CFAP299: variants seen among roughly 807,000 people sequenced by gnomAD.
The protein encoded by CFAP299 is cilia- and flagella-associated protein 299.
A neutral mutation model predicts 27.0 loss-of-function variants in CFAP299; 21 were observed. The observed-to-expected ratio is 0.78, with a 90% CI of 0.55 to 1.12. CFAP299 has a LOEUF of 1.12. Ranked by LOEUF, CFAP299 falls within the 50% of genes most tolerant of loss-of-function variation. The pLI is 0.00. For synonymous variants in CFAP299, 104 were observed against 98.1 expected (o/e 1.06, Z -0.36); for missense variants, 310 against 276.6 (o/e 1.12, Z -0.86).
At chr4:80,809,845 G>A (rs1729052712) in intron 3 of CFAP299, among the ~76,000 whole-genome samples, 1 of 151,952 alleles carries the variant, frequency 6.6e-6, no homozygotes, top group South Asian at 2.1e-4. Context: ...GTTTGAAATT[G>A]CCTGTGACCT....
At chr4:80,548,324 T>C (rs934956806) in intron 2 of CFAP299, among the ~76,000 whole-genome samples, 13 of 152,104 alleles carry the variant, frequency 8.5e-5, no homozygotes, top group African/African-American at 2.9e-4. Flanking sequence ...AAGTGGGAGC[T>C]AAACATTTTA....
chr4:80,617,360 GC>G (rs1738344529), intron 3 of CFAP299, among the ~76,000 whole-genome samples: 1 of 152,094 alleles, frequency 6.6e-6, no homozygotes, highest in Non-Finnish European at 1.5e-5. Context: ...CTTACCTTGA[GC>G]TTGACCACCA....
chr4:80,547,793 A>T (rs969273964), intron 2 of CFAP299, among the ~76,000 whole-genome samples: 3 of 152,182 alleles, frequency 2.0e-5, no homozygotes, highest in African/African-American at 4.8e-5. Context: ...GTCATCATTA[A>T]TCATTAGAGA....
chr4:80,800,748 TG>T (rs1728530192), intron 3 of CFAP299, among the ~76,000 whole-genome samples: 1 of 826 alleles, frequency 1.2e-3, no homozygotes. Context: ...ATATAATCAG[TG>T]TGTGTGTGTG....
intron 3 of CFAP299, among the ~76,000 whole-genome samples, chr4:80,800,385 A>AATATGTTAATATAATATATAATATATTG (rs1728396401): frequency 3.4e-5 from 2 of 58,670 alleles, no homozygotes; most frequent in African/African-American, 1.9e-4. Context: ...TATAATATAT[A>AATATGTTAATATAATATATAATATATTG]ATATATTAAT....
At chr4:80,860,178 T>C (rs1463117037) in intron 3 of CFAP299, among the ~76,000 whole-genome samples, 3 of 152,230 alleles carry the variant, frequency 2.0e-5, no homozygotes, top group Non-Finnish European at 1.5e-5. Context: ...CCATCGCTGA[T>C]ACCCTTTCTT....
intron 2 of CFAP299, among the ~76,000 whole-genome samples, chr4:80,485,977 T>C (rs28431362): frequency 7.0e-4 from 106 of 152,272 alleles, no homozygotes; most frequent in African/African-American, 2.5e-3. Flanking sequence ...TTTATTTTTT[T>C]AGAGTTGTGG....
intron 3 of CFAP299, among the ~76,000 whole-genome samples, chr4:80,690,219 C>A (rs1447355437): frequency 1.3e-5 from 2 of 150,956 alleles, no homozygotes; most frequent in South Asian, 2.1e-4. Context: ...GAACTCTCCA[C>A]CCCAAATCAA....
chr4:80,469,907 C>T (rs1199400378), intron 2 of CFAP299, among the ~76,000 whole-genome samples: 1 of 152,076 alleles, frequency 6.6e-6, no homozygotes, highest in Non-Finnish European at 1.5e-5. Context: ...ACAAGCTCCT[C>T]ATACTTTTTT....
chr4:80,606,262 C>G lies in CFAP299; in HGVS notation c.333+23079C>G, dbSNP rs532946098. 1.2e-3 allele frequency among the ~76,000 whole-genome samples: 184 copies of G among 152,220 alleles called. 4 individuals carry two copies. The South Asian group carries it at 0.025, about 21-fold the overall frequency. On this transcript the variant is annotated intron_variant, in intron 3 of 5. Transcript: ENST00000358105. ...GGTATATAGCCATAGCTAGGCTGGG[C>G]GTGGTGGCTCACGCTTGTAATCCCA...
intron 2 of CFAP299, among the ~76,000 whole-genome samples, chr4:80,399,633 T>C (rs565413672): frequency 1.4e-5 from 2 of 141,050 alleles, no homozygotes; most frequent in Admixed American, 7.9e-5. Flanking sequence ...TAGGTGGGAA[T>C]TGAACAACGA....
At chr4:80,406,226 C>T (rs1421911192) in intron 2 of CFAP299, among the ~76,000 whole-genome samples, 1 of 152,194 alleles carries the variant, frequency 6.6e-6, no homozygotes, top group African/African-American at 2.4e-5. Context: ...GGACTTTATA[C>T]ATTTGCTTCA....
intron 2 of CFAP299, among the ~76,000 whole-genome samples, chr4:80,568,821 A>G (rs963222852): frequency 6.6e-6 from 1 of 152,136 alleles, no homozygotes; most frequent in African/African-American, 2.4e-5. Flanking sequence ...GTTGAGGGCT[A>G]TCAAGGGCAC....
chr4:80,718,277 G>A (rs759669279), intron 3 of CFAP299, among the ~76,000 whole-genome samples: 3 of 152,064 alleles, frequency 2.0e-5, no homozygotes, highest in East Asian at 1.9e-4. Flanking sequence ...GGAGAGTATC[G>A]TGTTCCTTCT....
intron 2 of CFAP299, among the ~76,000 whole-genome samples, chr4:80,412,969 G>T (rs1401473275): frequency 6.6e-6 from 1 of 152,128 alleles, no homozygotes; most frequent in Non-Finnish European, 1.5e-5. Context: ...ACTCTGCTCA[G>T]GTTTAGAATT....
At chr4:80,739,445 G>A (rs1171491826) in intron 3 of CFAP299, among the ~76,000 whole-genome samples, 1 of 151,874 alleles carries the variant, frequency 6.6e-6, no homozygotes, top group African/African-American at 2.4e-5. Flanking sequence ...GGGTAAAAGT[G>A]GTTTTCATTT....
At position 80,821,891 on chromosome 4, in the gene CFAP299, AACAC is replaced by A. The variant is rs3038531; in HGVS notation, c.334-48083_334-48080del. Among the ~76,000 whole-genome samples the A allele has an allele frequency of 2.1e-4, 31 of 149,160 alleles. No homozygotes were observed. The South Asian group carries it at 3.0e-3, about 14-fold the overall frequency. Reference sequence around the variant, plus strand: ...ATAGCCATCCCCTGGCTCAGTACACAACACACACACACACACACACACTCACAGA... The same window carrying A: ...ATAGCCATCCCCTGGCTCAGTACACAACACACACACACACACACTCACAGA... On this transcript the variant is annotated intron_variant, in intron 3 of 5. Coordinates refer to ENST00000358105, the MANE Select transcript of CFAP299 (RefSeq NM_152770.3).
intron 2 of CFAP299, among the ~76,000 whole-genome samples, chr4:80,365,148 A>G (rs1381565949): frequency 1.3e-5 from 2 of 152,158 alleles, no homozygotes; most frequent in Non-Finnish European, 2.9e-5. Context: ...GTCAAATGCT[A>G]TTTCTGTCTC....
chr4:80,446,853 A>G (rs373326671), intron 2 of CFAP299, among the ~76,000 whole-genome samples: 30 of 152,214 alleles, frequency 2.0e-4, no homozygotes, highest in Non-Finnish European at 2.6e-4. Flanking sequence ...CAGTCAACTC[A>G]TCAAAATGTG....
Sources: gnomAD v4.1 joint callset for allele counts (sites outside exome capture counted in the v4.1 genomes callset) on GRCh38, gnomAD v4.1.1 for gene constraint, MANE v1.5 for transcripts, NCBI Gene and HGNC (gene_info 2026-07-23, HGNC 2026-07-21) for gene names.